Variants in ANKRD45 observed in about 807,000 individuals in gnomAD.
ANKRD45 encodes ankyrin repeat domain 45, also known as ankyrin repeat domain-containing protein 45.
Under a neutral mutation model 28.1 loss-of-function variants are expected in ANKRD45, and 21 were observed. The observed-to-expected ratio is 0.75, with a 90% CI of 0.53 to 1.08. ANKRD45 has a LOEUF of 1.08. Among genes scored for constraint, ANKRD45 ranks in the 50% least tolerant of loss-of-function variants. The pLI, the probability that ANKRD45 is intolerant of heterozygous loss-of-function variation, is 0.00. For missense variants in ANKRD45, 261 were observed against 308.7 expected, an observed-to-expected ratio of 0.85 and a Z score of 1.16; for synonymous variants, 86 against 103.9, an observed-to-expected ratio of 0.83 and a Z score of 1.05.
chr1:173,694,385 A>T, the ANKRD45 span, among the ~76,000 whole-genome samples: 1 of 151,964 alleles, frequency 6.6e-6, no homozygotes, highest in Non-Finnish European at 1.5e-5. Flanking sequence ...GTTGGTCTCA[A>T]ATTCCTGACC....
intron 2 of ANKRD45, among the ~76,000 whole-genome samples, chr1:173,650,001 C>G (rs541331024): frequency 6.6e-6 from 1 of 152,054 alleles, no homozygotes; most frequent in African/African-American, 2.4e-5. Flanking sequence ...AGAGAAACAG[C>G]GTTATGATAT....
the ANKRD45 span, among the ~76,000 whole-genome samples, chr1:173,689,763 C>T: frequency 1.3e-5 from 2 of 151,948 alleles, 1 homozygote; most frequent in South Asian, 4.2e-4. Context: ...CATATTTTCC[C>T]GGTGATCTGC....
intron 3 of ANKRD45, chr1:173,635,397 A>G: frequency 1.3e-6 from 1 of 764,198 alleles, no homozygotes. Flanking sequence ...ATTTTAACTA[A>G]TAGCTCCTGG....
At chr1:173,622,710 G>T (rs1259178861) in intron 5 of ANKRD45, among the ~76,000 whole-genome samples, 2 of 152,102 alleles carry the variant, frequency 1.3e-5, no homozygotes, top group African/African-American at 4.8e-5. Flanking sequence ...AACCCTAGAA[G>T]AAAATCAAGG....
intron 3 of ANKRD45, among the ~76,000 whole-genome samples, chr1:173,634,402 T>A (rs1668328140): frequency 6.6e-6 from 1 of 151,960 alleles, no homozygotes; most frequent in South Asian, 2.1e-4. Context: ...TTGGGCTACG[T>A]TGTGTATATA....
chr1:173,624,846 T>C lies in ANKRD45; in HGVS notation c.671A>G (p.Glu224Gly). Residue 224 changes from glutamate (E) to glycine (G), a missense_variant, in exon 5 of 6, where the codon GAG (glutamate) becomes GGG (glycine). Transcript: ENST00000333279. ...AATATCTTCCAGTTGTTGTCTCTGC[T>C]CAAAAAGCTCATTAATGGAAGCTTC... ...HTEASINELF[E>G]QRQQLEDIVT... 1 of 1,613,824 alleles carries C rather than the reference T, an allele frequency of 6.2e-7. No individual in the cohort carries two copies. The highest frequency in any genetic ancestry group is 8.5e-7 in the Non-Finnish European group (1 of 1,179,824).
At chr1:173,646,569 ATCT>A (rs1342449552) in intron 3 of ANKRD45, among the ~76,000 whole-genome samples, 1 of 152,218 alleles carries the variant, frequency 6.6e-6, no homozygotes, top group East Asian at 1.9e-4. Flanking sequence ...ACATACAATA[ATCT>A]TCTTATAGAA....
the ANKRD45 span, among the ~76,000 whole-genome samples, chr1:173,690,163 T>A: frequency 5.8e-4 from 85 of 147,358 alleles, 1 homozygote; most frequent in Non-Finnish European, 8.9e-5. Flanking sequence ...TCTAAATATC[T>A]TTTTTACATT....
intron 3 of ANKRD45, among the ~76,000 whole-genome samples, chr1:173,644,597 C>T (rs1668843517): frequency 6.6e-6 from 1 of 152,212 alleles, no homozygotes; most frequent in African/African-American, 2.4e-5. Context: ...TAATACCTCA[C>T]ATCCATAAGC....
At chr1:173,644,776 C>T (rs1304371600) in intron 3 of ANKRD45, among the ~76,000 whole-genome samples, 1 of 152,032 alleles carries the variant, frequency 6.6e-6, no homozygotes, top group Non-Finnish European at 1.5e-5. Flanking sequence ...GGGCAGATCA[C>T]GAGATCAGGA....
At chr1:173,704,552 T>A in the ANKRD45 span, among the ~76,000 whole-genome samples, 1 of 152,200 alleles carries the variant, frequency 6.6e-6, no homozygotes, top group African/African-American at 2.4e-5. Context: ...ATCTCAAACA[T>A]CTGATCCACT....
chr1:173,691,229 A>G, the ANKRD45 span, among the ~76,000 whole-genome samples: 7 of 152,028 alleles, frequency 4.6e-5, no homozygotes, highest in Non-Finnish European at 5.9e-5. Flanking sequence ...GTTGCTGGCC[A>G]GTTTTTTGTT....
At chr1:173,670,355 G>A (rs1202703187), upstream of ANKRD45, among the ~76,000 whole-genome samples, 1 of 152,154 alleles carries the variant, frequency 6.6e-6, no homozygotes, top group African/African-American at 2.4e-5. Flanking sequence ...AGCGATGGAG[G>A]TGGAGGGACA....
chr1:173,655,646 C>A (rs143292817), intron 2 of ANKRD45, among the ~76,000 whole-genome samples: 1 of 152,200 alleles, frequency 6.6e-6, no homozygotes, highest in Non-Finnish European at 1.5e-5. Flanking sequence ...ACCTGTCAGA[C>A]GGGACATTTA....
chr1:173,628,261 A>C (rs1027591220), intron 3 of ANKRD45, among the ~76,000 whole-genome samples: 38 of 149,376 alleles, frequency 2.5e-4, no homozygotes, highest in African/African-American at 8.2e-4. Flanking sequence ...AGGGAAGAGT[A>C]AATGGGACTT....
chr1:173,676,833 TCA>T, the ANKRD45 span, among the ~76,000 whole-genome samples: 5 of 78,414 alleles, frequency 6.4e-5, no homozygotes, highest in African/African-American at 5.1e-4. Context: ...AGACTCCATC[TCA>T]AAAAAAAAAA....
the ANKRD45 span, among the ~76,000 whole-genome samples, chr1:173,696,053 T>A: frequency 6.6e-6 from 1 of 152,206 alleles, no homozygotes; most frequent in Non-Finnish European, 1.5e-5. Context: ...GTGATCTCTG[T>A]GACCCACACC....
the ANKRD45 span, among the ~76,000 whole-genome samples, chr1:173,700,194 A>G: frequency 2.6e-5 from 4 of 152,250 alleles, no homozygotes; most frequent in East Asian, 7.7e-4. Flanking sequence ...ATGGAAGAAC[A>G]TTCCATGCTC....
chr1:173,680,447 C>T, the ANKRD45 span, among the ~76,000 whole-genome samples: 1 of 151,520 alleles, frequency 6.6e-6, no homozygotes, highest in Non-Finnish European at 1.5e-5. Flanking sequence ...GAACAGAAAA[C>T]CAAACACCGC....
Sources: gnomAD v4.1 joint callset for allele counts (sites outside exome capture counted in the v4.1 genomes callset) on GRCh38, gnomAD v4.1.1 for gene constraint, MANE v1.5 for transcripts, NCBI Gene and HGNC (gene_info 2026-07-23, HGNC 2026-07-21) for gene names.